Variants in MICAL3 observed in about 807,000 individuals in gnomAD.
The protein encoded by MICAL3 is microtubule associated monooxygenase, calponin and LIM domain containing 3.
Under a neutral mutation model 207.4 loss-of-function variants are expected in MICAL3, and 62 were observed. That is an observed-to-expected ratio of 0.30 (90% CI 0.24 to 0.37). The LOEUF (loss-of-function observed/expected upper bound fraction) is 0.37. MICAL3 is among the 10% of genes least tolerant of loss of function. The probability of loss-of-function intolerance (pLI) is 1.00; values close to 1 mark genes in which losing one functional copy is unlikely to be tolerated. For missense variants in MICAL3, 2,368 were observed against 2,635.6 expected, an observed-to-expected ratio of 0.90 and a Z score of 2.22; for synonymous variants, 1,077 against 1,069.3, an observed-to-expected ratio of 1.01 and a Z score of -0.14.
chr22:17,790,959 C>T, intron 31 of MICAL3, 39 bp downstream of exon 31: 1 of 1,612,826 alleles, frequency 6.2e-7, no homozygotes, highest in Non-Finnish European at 8.5e-7. Flanking sequence ...CTGGAGGTGG[C>T]ACCCACCCTG....
At chr22:17,795,245 C>T (rs2061862974) in intron 29 of MICAL3, among the ~76,000 whole-genome samples, 1 of 152,252 alleles carries the variant, frequency 6.6e-6, no homozygotes, top group Non-Finnish European at 1.5e-5. Context: ...CAACAATACA[C>T]TCTGCCTTAC....
At position 17,877,004 on chromosome 22, in the gene MICAL3, GGTT is replaced by G. The variant is rs1928605758; in HGVS notation, c.2242-4984_2242-4982del. 6 of 72,370 alleles carry G rather than the reference GGTT, an allele frequency of 8.3e-5. 1 individual carries two copies. The highest frequency in any genetic ancestry group is 1.7e-4 in the African/African-American group (2 of 12,004). The allele number at this position is 72,370 out of a possible 1,614,324, so 4.5% of individuals were successfully genotyped here. ...TTAGGGAGGTTAGGGAGGTGAGGGA[GGTT>G]ATGGAGGTTATGGAGGTTATGGAGG... On this transcript the variant is annotated intron_variant, in intron 16 of 31. Transcript: ENST00000441493.
intron 11 of MICAL3, among the ~76,000 whole-genome samples, chr22:17,893,479 C>T (rs1401810264): frequency 6.6e-6 from 1 of 152,162 alleles, no homozygotes; most frequent in African/African-American, 2.4e-5. Context: ...TCCCTCTCTC[C>T]CCTCTGCCCC....
chr22:17,905,667 G>A (rs1026741023), intron 2 of MICAL3, among the ~76,000 whole-genome samples: 3 of 152,174 alleles, frequency 2.0e-5, no homozygotes, highest in Non-Finnish European at 2.9e-5. Context: ...AGAACATAAC[G>A]TAGCCATGAA....
intron 1 of MICAL3, among the ~76,000 whole-genome samples, chr22:17,942,749 G>A (rs1933871303): frequency 6.6e-6 from 1 of 152,244 alleles, no homozygotes; most frequent in Non-Finnish European, 1.5e-5. Flanking sequence ...CTGCTGGGCA[G>A]CACCAGGTGA....
At chr22:17,872,076 A>G in intron 16 of MICAL3, 53 bp from the exon 17 acceptor site, 1 of 1,474,958 alleles carries the variant, frequency 6.8e-7, no homozygotes, top group Non-Finnish European at 9.2e-7. Flanking sequence ...AGTGCCACAC[A>G]GGCCCTCCTA....
At chr22:17,856,683 G>A (rs1288454303) in intron 19 of MICAL3, among the ~76,000 whole-genome samples, 4 of 139,894 alleles carry the variant, frequency 2.9e-5, no homozygotes, top group African/African-American at 1.1e-4. Context: ...CTGCAGTGGC[G>A]CAATCTCGGC....
At chr22:17,850,953 G>C (rs1407415047) in intron 19 of MICAL3, among the ~76,000 whole-genome samples, 1 of 152,172 alleles carries the variant, frequency 6.6e-6, no homozygotes, top group African/African-American at 2.4e-5. Context: ...GACTTGATTT[G>C]TATCAACTGG....
intron 1 of MICAL3, among the ~76,000 whole-genome samples, chr22:17,973,381 G>T (rs551984045): frequency 1.3e-5 from 2 of 152,304 alleles, no homozygotes; most frequent in African/African-American, 4.8e-5. Flanking sequence ...CTTCTGTAGG[G>T]TATGTAACTG....
At position 17,821,965 on chromosome 22, in the gene MICAL3, T is replaced by C. The variant is rs1308987176; in HGVS notation, c.3448+65A>G. 5 of 1,581,512 alleles carry C rather than the reference T, an allele frequency of 3.2e-6. No individual in the cohort carries two copies. The East Asian group carries it at 1.1e-4, about 35-fold the overall frequency. ...CTGAAGCGCCTGGCCCCTGAGCCAC[T>C]CTTGTGTGCATATGGCCCTCGTAGG... On this transcript the variant is annotated intron_variant, in intron 24 of 31. Coordinates refer to ENST00000441493, the MANE Select transcript of MICAL3 (RefSeq NM_015241.3).
chr22:17,837,410 G>A (rs1374667054), intron 20 of MICAL3, among the ~76,000 whole-genome samples: 3 of 152,234 alleles, frequency 2.0e-5, no homozygotes. Flanking sequence ...ATACCTGTGT[G>A]TGCTAGCCCT....
chr22:17,885,741 G>T, intron 16 of MICAL3, 137 bp downstream of exon 16: 3 of 865,632 alleles, frequency 3.5e-6, no homozygotes, highest in Non-Finnish European at 1.9e-6. Context: ...CTTTGCTGCA[G>T]TCAGGCGAGG....
At chr22:17,960,899 A>G (rs1198329363) in intron 1 of MICAL3, among the ~76,000 whole-genome samples, 1 of 152,204 alleles carries the variant, frequency 6.6e-6, no homozygotes. Context: ...CGAGCTCAGC[A>G]GGAGGTGCTG....
chr22:17,809,014 G>C (rs1056597253), intron 28 of MICAL3, 77 bp from the exon 29 acceptor site: 3 of 1,280,668 alleles, frequency 2.3e-6, no homozygotes, highest in Non-Finnish European at 3.3e-6. Flanking sequence ...ACACCCACAC[G>C]AGGGGAAACA....
In MICAL3 at chr22:17,855,540, G is replaced by A. The variant is rs373022771; in HGVS notation, c.2605+9359C>T. Among the ~76,000 whole-genome samples, 7 of 152,346 alleles carry A rather than the reference G, an allele frequency of 4.6e-5. No individual in the cohort carries two copies. The South Asian group carries it at 6.2e-4, about 14-fold the overall frequency. Reference sequence around the variant, plus strand: ...ACATCACTGGCAGGGCGGACGGATGGAGGAAGGGCTTACTCTTCATAACAA... The same window carrying A: ...ACATCACTGGCAGGGCGGACGGATGAAGGAAGGGCTTACTCTTCATAACAA... On this transcript the variant is annotated intron_variant, in intron 19 of 31. Coordinates refer to ENST00000441493, the MANE Select transcript of MICAL3 (RefSeq NM_015241.3).
At chr22:17,998,557 A>ATT (rs1475135552) in intron 1 of MICAL3, among the ~76,000 whole-genome samples, 1 of 136,600 alleles carries the variant, frequency 7.3e-6, no homozygotes, top group African/African-American at 2.6e-5. Flanking sequence ...AATTATTATT[A>ATT]TTATTATTTT....
At chr22:17,832,925 A>T (rs1404245101) in intron 20 of MICAL3, among the ~76,000 whole-genome samples, 1 of 152,174 alleles carries the variant, frequency 6.6e-6, no homozygotes, top group Admixed American at 6.5e-5. Context: ...CTCACTGCAA[A>T]GCCACAGGAC....
chr22:17,851,026 CT>C (rs2146100803), intron 19 of MICAL3, among the ~76,000 whole-genome samples: 1 of 152,320 alleles, frequency 6.6e-6, no homozygotes, highest in Admixed American at 6.5e-5. Flanking sequence ...GTCTAAAGCA[CT>C]GGAATTCAGC....
chr22:17,856,608 C>CTT (rs57588188), intron 19 of MICAL3, among the ~76,000 whole-genome samples: 2,911 of 94,782 alleles, frequency 0.031, 101 homozygotes, highest in African/African-American at 0.035. Flanking sequence ...AAAATGTTTA[C>CTT]TTTTTTTTTT....
Sources: allele counts gnomAD v4.1 joint callset (sites outside exome capture counted in the v4.1 genomes callset), GRCh38; gene constraint gnomAD v4.1.1; transcripts MANE v1.5; gene names NCBI Gene and HGNC (gene_info 2026-07-23, HGNC 2026-07-21).